The following RAD51B variants were observed in gnomAD, a reference collection of about 807,000 sequenced individuals.
The protein encoded by RAD51B is DNA repair protein RAD51 homolog 2.
A neutral mutation model predicts 42.2 loss-of-function variants in RAD51B; 38 were observed. The observed-to-expected ratio is 0.90, with a 90% CI of 0.70 to 1.18. RAD51B has a LOEUF of 1.18. RAD51B is among the 50% of genes most tolerant of loss of function. The probability of loss-of-function intolerance (pLI) is 0.00; values close to 1 mark genes in which losing one functional copy is unlikely to be tolerated. For missense variants in RAD51B, 373 were observed against 400.7 expected (o/e 0.93, Z 0.59); for synonymous variants, 154 against 145.2 (o/e 1.06, Z -0.43).
intron 7 of RAD51B, among the ~76,000 whole-genome samples, chr14:68,027,561 C>T (rs190772222): frequency 6.6e-6 from 1 of 151,980 alleles, no homozygotes. Context: ...TGGTGTCTGA[C>T]TGAGTTGATT....
chr14:68,423,243 G>A (rs1439860123), intron 9 of RAD51B, among the ~76,000 whole-genome samples: 1 of 152,126 alleles, frequency 6.6e-6, no homozygotes, highest in Non-Finnish European at 1.5e-5. Flanking sequence ...TCCAGAAAGA[G>A]GCTCATCTTT....
rs1327898271 is a variant in RAD51B, at chr14:67,951,518, C to T, written c.756+64314C>T. 2.0e-5 allele frequency among the ~76,000 whole-genome samples: 3 copies of T among 152,092 alleles called. No homozygotes were observed. The East Asian group carries it at 5.8e-4, about 29-fold the overall frequency. ...GTCTTCCCAGTTTAAAAGGCTTAAG[C>T]AGAAGAGTAACAGTATAGTTAAAAG... On this transcript the variant is annotated intron_variant, in intron 7 of 10. Coordinates refer to ENST00000471583, the MANE Select transcript of RAD51B (RefSeq NM_133510.4).
chr14:68,580,811 A>G (rs1164148075), intron 10 of RAD51B, among the ~76,000 whole-genome samples: 1 of 151,842 alleles, frequency 6.6e-6, no homozygotes, highest in African/African-American at 2.4e-5. Context: ...TCCCTTGGAG[A>G]TCTCAAGGAA....
At chr14:68,505,524 A>G (rs536501696) in intron 10 of RAD51B, among the ~76,000 whole-genome samples, 1 of 151,538 alleles carries the variant, frequency 6.6e-6, no homozygotes, top group South Asian at 2.1e-4. Context: ...GAAATAACAA[A>G]TGAACTTGTA....
intron 11 of RAD51B, among the ~76,000 whole-genome samples, chr14:68,681,920 G>C (rs774932763): frequency 7.9e-5 from 12 of 152,148 alleles, no homozygotes; most frequent in Non-Finnish European, 1.5e-4. Context: ...GGTTGGGAGT[G>C]GGGTGAGGGA....
intron 10 of RAD51B, among the ~76,000 whole-genome samples, chr14:68,531,836 G>A (rs143397440): frequency 3.9e-5 from 6 of 152,100 alleles, no homozygotes; most frequent in East Asian, 3.9e-4. Flanking sequence ...CTGTCACTAC[G>A]AAAAATAATT....
intron 5 of RAD51B, among the ~76,000 whole-genome samples, chr14:67,868,529 A>G (rs2140000407): frequency 6.6e-6 from 1 of 152,376 alleles, no homozygotes; most frequent in Non-Finnish European, 1.5e-5. Flanking sequence ...GCCATTGCCC[A>G]GGCTTGCTTA....
intron 7 of RAD51B, among the ~76,000 whole-genome samples, chr14:68,245,360 A>G (rs554542853): frequency 8.5e-5 from 13 of 152,334 alleles, no homozygotes; most frequent in Non-Finnish European, 1.9e-4. Context: ...AACACATGGA[A>G]GTGGTGCCTT....
chr14:67,983,206 GTC>G (rs1191953601), intron 7 of RAD51B, among the ~76,000 whole-genome samples: 1 of 152,172 alleles, frequency 6.6e-6, no homozygotes, highest in Non-Finnish European at 1.5e-5. Flanking sequence ...TAAAATAAGA[GTC>G]TCAGCCAACT....
chr14:68,060,118 G>A (rs986375816), intron 7 of RAD51B, among the ~76,000 whole-genome samples: 1 of 152,040 alleles, frequency 6.6e-6, no homozygotes, highest in Non-Finnish European at 1.5e-5. Flanking sequence ...ATAAAAACCC[G>A]AACCTTTTTC....
At chr14:68,530,404 G>A (rs956463639) in intron 10 of RAD51B, among the ~76,000 whole-genome samples, 2 of 126,832 alleles carry the variant, frequency 1.6e-5, no homozygotes, top group Non-Finnish European at 3.1e-5. Context: ...CCATGATTGT[G>A]CTACTACACT....
intron 7 of RAD51B, among the ~76,000 whole-genome samples, chr14:67,974,782 A>AG (rs2074959808): frequency 6.6e-6 from 1 of 152,170 alleles, no homozygotes; most frequent in Non-Finnish European, 1.5e-5. Context: ...TATGGAAAAA[A>AG]CAATTTGGTA....
chr14:67,843,305 C>T (rs868575843), intron 4 of RAD51B: 1 of 145,408 alleles, frequency 6.9e-6, no homozygotes, highest in South Asian at 2.2e-4. Context: ...CCCCCTCCCC[C>T]ACAATGCTGT....
At chr14:68,189,736 G>A (rs766462100) in intron 7 of RAD51B, among the ~76,000 whole-genome samples, 2 of 152,004 alleles carry the variant, frequency 1.3e-5, no homozygotes, top group African/African-American at 2.4e-5. Context: ...GCATGATCTC[G>A]GCTCACTACA....
chr14:68,629,093 A>G (rs1892164642), intron 10 of RAD51B, among the ~76,000 whole-genome samples: 1 of 152,186 alleles, frequency 6.6e-6, no homozygotes. Flanking sequence ...CCAGCCCCAC[A>G]CGATGCCCAA....
At chr14:68,682,909 G>GGTTTTT in intron 11 of RAD51B, 1 of 730,994 alleles carries the variant, frequency 1.4e-6, no homozygotes, top group Non-Finnish European at 1.6e-6. Context: ...GTAGCTTATG[G>GGTTTTT]CTTTTTTTTT....
chr14:68,053,706 T>C (rs2076430241), intron 7 of RAD51B, among the ~76,000 whole-genome samples: 1 of 152,196 alleles, frequency 6.6e-6, no homozygotes, highest in African/African-American at 2.4e-5. Context: ...TTTAGGTTCT[T>C]GATAAAATAC....
intron 7 of RAD51B, among the ~76,000 whole-genome samples, chr14:68,064,837 C>T (rs2076624236): frequency 6.6e-6 from 1 of 152,152 alleles, no homozygotes; most frequent in African/African-American, 2.4e-5. Context: ...TTTATTATGT[C>T]TATCCCTGCA....
chr14:67,892,280 T>C (rs1215355213), intron 7 of RAD51B, among the ~76,000 whole-genome samples: 2 of 152,234 alleles, frequency 1.3e-5, no homozygotes, highest in South Asian at 2.1e-4. Flanking sequence ...AAAATAATTC[T>C]AGAAAAAGTG....
Sources: gnomAD v4.1 joint callset for allele counts (sites outside exome capture counted in the v4.1 genomes callset) on GRCh38, gnomAD v4.1.1 for gene constraint, MANE v1.5 for transcripts, NCBI Gene and HGNC (gene_info 2026-07-23, HGNC 2026-07-21) for gene names.